The following CDH13 variants were observed in gnomAD, a reference collection of about 807,000 sequenced individuals.
The protein encoded by CDH13 is cadherin 13.
In CDH13, 24 loss-of-function variants were observed where a neutral mutation model predicts 63.8. The observed-to-expected ratio is 0.38, with a 90% confidence interval of 0.27 to 0.53. The LOEUF (loss-of-function observed/expected upper bound fraction) is 0.53. CDH13 is among the 20% of genes least tolerant of loss of function. The pLI, the probability that CDH13 is intolerant of heterozygous loss-of-function variation, is 0.85. For synonymous variants in CDH13, 503 were observed against 355.3 expected (o/e 1.42, Z -4.67); for missense variants, 1,049 against 903.1 (o/e 1.16, Z -2.07).
chr16:82,890,504 G>A (rs2151220557), intron 2 of CDH13, among the ~76,000 whole-genome samples: 1 of 152,274 alleles, frequency 6.6e-6, no homozygotes. Context: ...GTCAGCTATG[G>A]AGTCATCAAC....
chr16:83,017,050 A>G (rs79480862), intron 2 of CDH13, among the ~76,000 whole-genome samples: 4,696 of 152,316 alleles, frequency 0.031, 104 homozygotes, highest in Non-Finnish European at 0.046. Context: ...AGTTATAGAC[A>G]GATCAATGAT....
intron 7 of CDH13, among the ~76,000 whole-genome samples, chr16:83,521,702 G>T (rs776498287): frequency 6.6e-6 from 1 of 152,200 alleles, no homozygotes; most frequent in Non-Finnish European, 1.5e-5. Context: ...ACATGAGTGG[G>T]TAATTCTTCC....
chr16:83,622,319 A>C (rs1909888850), intron 8 of CDH13, among the ~76,000 whole-genome samples: 1 of 152,120 alleles, frequency 6.6e-6, no homozygotes, highest in South Asian at 2.1e-4. Context: ...TTTCAAACAC[A>C]GCACTGCACT....
At chr16:83,392,430 T>G (rs964944672) in intron 6 of CDH13, among the ~76,000 whole-genome samples, 1 of 152,250 alleles carries the variant, frequency 6.6e-6, no homozygotes, top group Non-Finnish European at 1.5e-5. Context: ...TGAGCTAAGA[T>G]TCTGAGTGCT....
intron 4 of CDH13, among the ~76,000 whole-genome samples, chr16:83,185,660 T>G (rs1321755622): frequency 6.6e-6 from 1 of 152,218 alleles, no homozygotes; most frequent in Admixed American, 6.5e-5. Flanking sequence ...TTTCTCCTAC[T>G]TACCTGTTGG....
intron 1 of CDH13, among the ~76,000 whole-genome samples, chr16:82,847,344 T>C (rs920489097): frequency 1.3e-5 from 2 of 152,168 alleles, no homozygotes; most frequent in African/African-American, 2.4e-5. Flanking sequence ...AGCGATGCAT[T>C]CTTTTCTGGA....
chr16:82,730,168 T>C (rs989771067), intron 1 of CDH13, among the ~76,000 whole-genome samples: 2 of 152,214 alleles, frequency 1.3e-5, no homozygotes, highest in African/African-American at 4.8e-5. Context: ...ACTTTTTATT[T>C]CATTCAAGAG....
At chr16:82,738,135 C>T (rs1237671218) in intron 1 of CDH13, among the ~76,000 whole-genome samples, 5 of 152,166 alleles carry the variant, frequency 3.3e-5, no homozygotes, top group Non-Finnish European at 7.3e-5. Flanking sequence ...ACAGTCTGTC[C>T]TCTGAGATGG....
intron 6 of CDH13, among the ~76,000 whole-genome samples, chr16:83,479,113 A>G (rs766273836): frequency 6.6e-6 from 1 of 152,220 alleles, no homozygotes; most frequent in Non-Finnish European, 1.5e-5. Context: ...AATGTCCACA[A>G]GACCAGAGGA....
rs148258399 is a variant in CDH13, at chr16:83,781,290, C to A, written c.1915+1089C>A. Reference sequence around the variant, plus strand: ...TTCTTCCCCAAATGTAAACTAACTACCAAGTTCACCTTGTCTTCCAATAAA... The same window carrying A: ...TTCTTCCCCAAATGTAAACTAACTAACAAGTTCACCTTGTCTTCCAATAAA... On this transcript the variant is annotated intron_variant, in intron 12 of 13. Transcript: ENST00000567109. 2.2e-4 allele frequency among the ~76,000 whole-genome samples: 33 copies of A among 152,224 alleles called. 1 individual carries two copies. The East Asian group carries it at 6.4e-3, about 29-fold the overall frequency.
intron 2 of CDH13, among the ~76,000 whole-genome samples, chr16:83,026,659 T>G (rs1235205110): frequency 1.3e-5 from 2 of 152,108 alleles, no homozygotes; most frequent in African/African-American, 2.4e-5. Flanking sequence ...AAACAAAAGT[T>G]AAGCAACCCT....
At chr16:83,350,075 C>G (rs923762457) in intron 6 of CDH13, among the ~76,000 whole-genome samples, 3 of 152,150 alleles carry the variant, frequency 2.0e-5, no homozygotes, top group Non-Finnish European at 4.4e-5. Flanking sequence ...CAAAGCTGTC[C>G]CCAAGGATGG....
chr16:83,185,592 A>G (rs927446286), intron 4 of CDH13, among the ~76,000 whole-genome samples: 4 of 152,182 alleles, frequency 2.6e-5, no homozygotes, highest in African/African-American at 9.7e-5. Context: ...CACTTCATCT[A>G]AGGAATTTTC....
chr16:83,463,808 A>G (rs897334205), intron 6 of CDH13, among the ~76,000 whole-genome samples: 12 of 152,132 alleles, frequency 7.9e-5, no homozygotes, highest in South Asian at 2.1e-4. Flanking sequence ...CTGTCTCCAA[A>G]AAAAGCAAAG....
chr16:83,129,120 C>G (rs1041439884), intron 4 of CDH13, among the ~76,000 whole-genome samples: 1 of 152,124 alleles, frequency 6.6e-6, no homozygotes, highest in Non-Finnish European at 1.5e-5. Flanking sequence ...ACGAGCTGTG[C>G]TCTGCAGAGC....
At chr16:82,796,262 G>A (rs1340188842) in intron 1 of CDH13, among the ~76,000 whole-genome samples, 1 of 152,152 alleles carries the variant, frequency 6.6e-6, no homozygotes, top group Admixed American at 6.5e-5. Flanking sequence ...TGACCCCTAT[G>A]GATGTATGGA....
intron 1 of CDH13, among the ~76,000 whole-genome samples, chr16:82,721,392 G>A (rs568501325): frequency 6.6e-6 from 1 of 152,256 alleles, no homozygotes; most frequent in South Asian, 2.1e-4. Context: ...TATTTAGGAT[G>A]AGTGAGGGAC....
intron 3 of CDH13, among the ~76,000 whole-genome samples, chr16:83,034,483 A>T (rs1349300229): frequency 6.6e-6 from 1 of 152,246 alleles, no homozygotes; most frequent in Non-Finnish European, 1.5e-5. Context: ...TCTCTTACTT[A>T]GCCATGACCA....
At chr16:82,935,624 G>C (rs1040082455) in intron 2 of CDH13, among the ~76,000 whole-genome samples, 1 of 152,154 alleles carries the variant, frequency 6.6e-6, no homozygotes, top group African/African-American at 2.4e-5. Context: ...GTGTATATCA[G>C]AATCACGTAT....
Sources: allele counts gnomAD v4.1 joint callset (sites outside exome capture counted in the v4.1 genomes callset), GRCh38; gene constraint gnomAD v4.1.1; transcripts MANE v1.5; gene names NCBI Gene and HGNC (gene_info 2026-07-23, HGNC 2026-07-21).